Variants in CSMD1 observed in about 807,000 individuals in gnomAD.
The protein encoded by CSMD1 is CUB and sushi domain-containing protein 1.
CSMD1 carries 213 observed loss-of-function variants against 417.5 expected under a neutral mutation model. The ratio of observed to expected loss-of-function variants is 0.51; its 90% confidence interval spans 0.46 to 0.57. The LOEUF (loss-of-function observed/expected upper bound fraction) is 0.57. Among genes scored for constraint, CSMD1 ranks in the 20% least tolerant of loss-of-function variants. CSMD1 has a pLI of 0.00. For missense variants in CSMD1, 6,923 were observed against 4,529.7 expected, an observed-to-expected ratio of 1.53 and a Z score of -15.17; for synonymous variants, 2,862 against 1,736.8, an observed-to-expected ratio of 1.65 and a Z score of -16.11.
intron 25 of CSMD1, among the ~76,000 whole-genome samples, chr8:3,301,257 G>T (rs775113614): frequency 1.3e-5 from 2 of 152,052 alleles, no homozygotes; most frequent in Non-Finnish European, 2.9e-5. Context: ...TTGCAGGGTG[G>T]TCAGTGGAAA....
rs959821354 is a variant in CSMD1 at position 4,089,924 on chromosome 8, G to C, written c.416-57825C>G. ...ACCTGATTGGAATGAACCGAGGAAA[G>C]AATATTACATGTATTATTGTTGAAT... On this transcript the variant is annotated intron_variant, in intron 3 of 69. Transcript: ENST00000635120. Among the ~76,000 whole-genome samples the C allele has an allele frequency of 2.0e-5, 3 of 152,102 alleles. No individual in the cohort carries two copies. In the South Asian group the frequency reaches 6.2e-4, roughly 32 times the overall value.
At chr8:4,913,604 T>C (rs1805848193) in intron 1 of CSMD1, among the ~76,000 whole-genome samples, 1 of 152,224 alleles carries the variant, frequency 6.6e-6, no homozygotes. Context: ...CCCATCCATA[T>C]GTTTTGCAGT....
chr8:4,777,338 T>G (rs368264049), intron 1 of CSMD1, among the ~76,000 whole-genome samples: 1 of 151,956 alleles, frequency 6.6e-6, no homozygotes, highest in African/African-American at 2.4e-5. Context: ...AATGAGAGAG[T>G]GCCTTTGGTA....
chr8:3,900,222 CAG>C (rs1807642899), intron 5 of CSMD1, among the ~76,000 whole-genome samples: 1 of 151,432 alleles, frequency 6.6e-6, no homozygotes, highest in Non-Finnish European at 1.5e-5. Context: ...AGCTGGGTGA[CAG>C]TGTTAACAGT....
intron 2 of CSMD1, among the ~76,000 whole-genome samples, chr8:4,543,763 G>A (rs1240208399): frequency 1.3e-5 from 2 of 148,382 alleles, no homozygotes; most frequent in Non-Finnish European, 3.0e-5. Flanking sequence ...TAATGACTGA[G>A]AGTTCCAGTG....
chr8:4,913,910 A>G (rs1370007405), intron 1 of CSMD1, among the ~76,000 whole-genome samples: 1 of 152,232 alleles, frequency 6.6e-6, no homozygotes, highest in African/African-American at 2.4e-5. Context: ...TTCTTAATTA[A>G]TGCGATTACC....
chr8:3,110,430 T>A, intron 42 of CSMD1, 95 bp from the exon 43 acceptor site: 1 of 1,033,840 alleles, frequency 9.7e-7, no homozygotes, highest in Non-Finnish European at 1.3e-6. Flanking sequence ...AGCCAACATT[T>A]TTCCTGATGG....
At chr8:4,505,561 G>C (rs1253321920) in intron 2 of CSMD1, among the ~76,000 whole-genome samples, 15 of 151,962 alleles carry the variant, frequency 9.9e-5, no homozygotes, top group Admixed American at 9.8e-4. Flanking sequence ...TCAAAATAAT[G>C]CTATTGGAAT....
At chr8:4,128,751 A>G (rs1478726931) in intron 3 of CSMD1, among the ~76,000 whole-genome samples, 1 of 151,996 alleles carries the variant, frequency 6.6e-6, no homozygotes, top group Non-Finnish European at 1.5e-5. Flanking sequence ...CCCACACACC[A>G]CAGCCTCACA....
intron 3 of CSMD1, among the ~76,000 whole-genome samples, chr8:4,409,456 C>A (rs1021553395): frequency 2.0e-5 from 3 of 152,064 alleles, no homozygotes; most frequent in Non-Finnish European, 4.4e-5. Flanking sequence ...CAACAAAAAA[C>A]AGCAAGAATG....
chr8:4,542,436 G>C (rs185708737), intron 2 of CSMD1, among the ~76,000 whole-genome samples: 2 of 152,208 alleles, frequency 1.3e-5, no homozygotes, highest in East Asian at 3.9e-4. Flanking sequence ...ACGTTTTATA[G>C]AACACAGTTC....
At chr8:4,484,796 C>T (rs1293064217) in intron 2 of CSMD1, among the ~76,000 whole-genome samples, 3 of 151,550 alleles carry the variant, frequency 2.0e-5, no homozygotes, top group Admixed American at 2.0e-4. Flanking sequence ...GGTGAAACCC[C>T]GTCTCTACTA....
intron 12 of CSMD1, among the ~76,000 whole-genome samples, chr8:3,465,733 TA>T (rs1463648909): frequency 6.6e-6 from 1 of 152,194 alleles, no homozygotes; most frequent in Admixed American, 6.5e-5. Flanking sequence ...TGAGTGAGGT[TA>T]CAATGATAGC....
intron 7 of CSMD1, among the ~76,000 whole-genome samples, chr8:3,690,606 T>C (rs1800185371): frequency 1.3e-5 from 2 of 152,202 alleles, no homozygotes; most frequent in Admixed American, 6.5e-5. Flanking sequence ...AACGGTACTG[T>C]GATGATATCA....
chr8:4,477,859 A>C (rs1800887647), intron 2 of CSMD1, among the ~76,000 whole-genome samples: 1 of 152,210 alleles, frequency 6.6e-6, no homozygotes, highest in African/African-American at 2.4e-5. Context: ...ACTGGACATA[A>C]ATTCTGAAAA....
chr8:4,347,903 AAGTT>A (rs1177083944), intron 3 of CSMD1, among the ~76,000 whole-genome samples: 20 of 152,178 alleles, frequency 1.3e-4, no homozygotes, highest in Admixed American at 7.9e-4. Context: ...AAAAAATAAA[AAGTT>A]AAATAAACAA....
intron 3 of CSMD1, among the ~76,000 whole-genome samples, chr8:4,046,638 A>G (rs919949512): frequency 1.3e-5 from 2 of 152,234 alleles, no homozygotes; most frequent in African/African-American, 4.8e-5. Context: ...CATAACAAAC[A>G]ACAAGTGTGC....
At chr8:4,300,343 A>G (rs957477302) in intron 3 of CSMD1, among the ~76,000 whole-genome samples, 2 of 152,222 alleles carry the variant, frequency 1.3e-5, no homozygotes, top group Non-Finnish European at 2.9e-5. Flanking sequence ...ATAATATTAA[A>G]AGGTAAAAAT....
intron 3 of CSMD1, among the ~76,000 whole-genome samples, chr8:4,402,894 A>T (rs1036708094): frequency 7.5e-6 from 1 of 133,478 alleles, no homozygotes; most frequent in African/African-American, 2.9e-5. Context: ...ATCTGGGCTC[A>T]CTGCCAGCTC....
Sources: allele counts gnomAD v4.1 joint callset (sites outside exome capture counted in the v4.1 genomes callset), GRCh38; gene constraint gnomAD v4.1.1; transcripts MANE v1.5; gene names NCBI Gene and HGNC (gene_info 2026-07-23, HGNC 2026-07-21).